NRG1: variants seen among roughly 807,000 people sequenced by gnomAD.
The protein encoded by NRG1 is neuregulin 1.
In NRG1, 18 loss-of-function variants were observed where a neutral mutation model predicts 63.8. The observed-to-expected ratio is 0.28, with a 90% CI of 0.19 to 0.42. The LOEUF (loss-of-function observed/expected upper bound fraction) is 0.42, where lower values mean the gene tolerates loss of function less well. Among genes scored for constraint, NRG1 ranks in the 10% least tolerant of loss-of-function variants. The pLI, the probability that NRG1 is intolerant of heterozygous loss-of-function variation, is 1.00. For synonymous variants in NRG1, 302 were observed against 301.3 expected (o/e 1.00, Z -0.02); for missense variants, 762 against 814.7 (o/e 0.94, Z 0.79).
exon 1 of NRG1, chr8:31,639,319 G>C: frequency 6.6e-7 from 1 of 1,518,248 alleles, no homozygotes; most frequent in South Asian, 1.2e-5. Flanking sequence ...CGGGGCGACA[G>C]AGAGGGAGGA....
At chr8:32,473,949 T>C (rs2129491180) in intron 1 of NRG1, among the ~76,000 whole-genome samples, 1 of 152,236 alleles carries the variant, frequency 6.6e-6, no homozygotes, top group Admixed American at 6.5e-5. Flanking sequence ...CTTCCCTAAG[T>C]ACCAGGATTA....
intron 1 of NRG1, among the ~76,000 whole-genome samples, chr8:31,839,282 A>G (rs576892103): frequency 1.3e-5 from 2 of 152,344 alleles, no homozygotes; most frequent in South Asian, 4.1e-4. Context: ...GAATTCAATG[A>G]CATCTTATTT....
At chr8:32,250,866 A>G (rs1849026224) in intron 1 of NRG1, among the ~76,000 whole-genome samples, 2 of 152,064 alleles carry the variant, frequency 1.3e-5, no homozygotes, top group East Asian at 1.9e-4. Flanking sequence ...ACAAATGATG[A>G]CAATGTAATT....
chr8:31,722,107 G>C (rs988328337), intron 1 of NRG1, among the ~76,000 whole-genome samples: 2 of 152,068 alleles, frequency 1.3e-5, no homozygotes, highest in African/African-American at 4.8e-5. Flanking sequence ...TCAGGTTGAA[G>C]TTCAAGCTCA....
chr8:31,820,296 G>A (rs1823880354), intron 1 of NRG1, among the ~76,000 whole-genome samples: 1 of 152,188 alleles, frequency 6.6e-6, no homozygotes, highest in South Asian at 2.1e-4. Context: ...ACACAGGGCA[G>A]CTGGGCACAT....
intron 1 of NRG1, among the ~76,000 whole-genome samples, chr8:31,980,881 T>C (rs1281085211): frequency 6.6e-6 from 1 of 152,032 alleles, no homozygotes; most frequent in East Asian, 1.9e-4. Flanking sequence ...GATATCTTCT[T>C]GAAATAAAAA....
chr8:32,072,853 T>G (rs1437615817), intron 1 of NRG1, among the ~76,000 whole-genome samples: 2 of 152,168 alleles, frequency 1.3e-5, no homozygotes, highest in Non-Finnish European at 1.5e-5. Context: ...CTCTACCCCC[T>G]CCACTTTTGA....
At chr8:31,649,433 G>T (rs531923380) in intron 1 of NRG1, among the ~76,000 whole-genome samples, 2 of 152,248 alleles carry the variant, frequency 1.3e-5, no homozygotes, top group South Asian at 4.2e-4. Flanking sequence ...TGGAGTAGTG[G>T]TGAGCAGTTT....
At chr8:32,176,034 A>G (rs1485742386) in intron 1 of NRG1, among the ~76,000 whole-genome samples, 2 of 152,222 alleles carry the variant, frequency 1.3e-5, no homozygotes, top group Admixed American at 1.3e-4. Context: ...AGTCAATCCT[A>G]AGCCAAAAGA....
chr8:32,045,653 T>A (rs181546204), intron 1 of NRG1, among the ~76,000 whole-genome samples: 1 of 152,080 alleles, frequency 6.6e-6, no homozygotes, highest in African/African-American at 2.4e-5. Context: ...TAAATAGACC[T>A]GCATAAATAT....
intron 1 of NRG1, among the ~76,000 whole-genome samples, chr8:32,235,427 C>T (rs1847440686): frequency 6.6e-6 from 1 of 151,842 alleles, no homozygotes; most frequent in Non-Finnish European, 1.5e-5. Context: ...GTTTGGAGAG[C>T]CAGTGGCTGA....
chr8:32,757,992 G>A (rs1226243360), intron 9 of NRG1, among the ~76,000 whole-genome samples: 1 of 152,156 alleles, frequency 6.6e-6, no homozygotes, highest in Non-Finnish European at 1.5e-5. Flanking sequence ...CAAGCTAGCT[G>A]TACTTCCCAG....
At chr8:32,548,480 C>T (rs559445575) in exon 1 of NRG1, 7 of 1,193,872 alleles carry the variant, frequency 5.9e-6, no homozygotes, top group Admixed American at 4.7e-5. Context: ...TCGACGACTT[C>T]CCGGGGCGAC....
chr8:31,841,333 G>A (rs190285635), intron 1 of NRG1, among the ~76,000 whole-genome samples: 509 of 152,236 alleles, frequency 3.3e-3, no homozygotes, highest in Non-Finnish European at 4.9e-3. Context: ...GATGGATCTT[G>A]CAAGAGCTCA....
At chr8:32,377,115 T>A (rs1809728850) in intron 1 of NRG1, among the ~76,000 whole-genome samples, 1 of 152,202 alleles carries the variant, frequency 6.6e-6, no homozygotes, top group Non-Finnish European at 1.5e-5. Context: ...AAAATTGAGT[T>A]AAAGCCATTT....
intron 1 of NRG1, among the ~76,000 whole-genome samples, chr8:31,721,821 G>A (rs920984934): frequency 2.0e-5 from 3 of 152,002 alleles, no homozygotes; most frequent in South Asian, 2.1e-4. Flanking sequence ...CCAGGTTATC[G>A]CAAGAAATTG....
chr8:32,158,342 T>C (rs561840415), intron 1 of NRG1, among the ~76,000 whole-genome samples: 32 of 150,798 alleles, frequency 2.1e-4, no homozygotes, highest in African/African-American at 7.5e-4. Flanking sequence ...AATGAGGTAA[T>C]AGGAATTTTT....
intron 1 of NRG1, among the ~76,000 whole-genome samples, chr8:32,230,949 T>C (rs183521062): frequency 2.0e-5 from 3 of 152,300 alleles, no homozygotes; most frequent in East Asian, 3.9e-4. Context: ...TCTGTTGTGC[T>C]ATCAAATACT....
intron 1 of NRG1, among the ~76,000 whole-genome samples, chr8:32,182,205 AAC>A: frequency 6.6e-6 from 1 of 152,158 alleles, no homozygotes; most frequent in Non-Finnish European, 1.5e-5. Flanking sequence ...GAAAGGAAAA[AAC>A]ACAGAGAGGA....
Sources: allele counts gnomAD v4.1 joint callset (sites outside exome capture counted in the v4.1 genomes callset), GRCh38; gene constraint gnomAD v4.1.1; transcripts MANE v1.5; gene names NCBI Gene and HGNC (gene_info 2026-07-23, HGNC 2026-07-21).